CNTNAP2: variants seen among roughly 807,000 people sequenced by gnomAD.
CNTNAP2 encodes the protein contactin-associated protein-like 2.
Under a neutral mutation model 155.2 loss-of-function variants are expected in CNTNAP2, and 98 were observed. The ratio of observed to expected loss-of-function variants is 0.63; its 90% CI spans 0.54 to 0.75. The LOEUF (loss-of-function observed/expected upper bound fraction) is 0.75. Among genes scored for constraint, CNTNAP2 ranks in the 30% least tolerant of loss-of-function variants. The pLI is 0.00. For missense variants in CNTNAP2, 1,727 were observed against 1,688.1 expected (o/e 1.02, Z -0.40); for synonymous variants, 651 against 631.2 (o/e 1.03, Z -0.47).
At chr7:148,103,119 T>A (rs1804137938) in intron 15 of CNTNAP2, among the ~76,000 whole-genome samples, 1 of 152,140 alleles carries the variant, frequency 6.6e-6, no homozygotes, top group Non-Finnish European at 1.5e-5. Flanking sequence ...CAAACAGGTA[T>A]GCGTTTATCT....
rs1327961375 is a variant in CNTNAP2 at position 148,287,984 on chromosome 7, G to A, written c.3475+20858G>A. 5.9e-5 allele frequency among the ~76,000 whole-genome samples: 9 copies of A among 151,462 alleles called. No homozygotes were observed. The East Asian group carries it at 1.7e-3, about 29-fold the overall frequency. The stretch of plus-strand genomic sequence containing the variant: ...TTTTTGTATTTTTACTAGAGATGGG[G>A]TTTCACCATGTTGGCCAGGATGGTC... On this transcript the variant is annotated intron_variant, in intron 21 of 23. Transcript: ENST00000361727.
chr7:146,780,169 G>A (rs566379667), intron 2 of CNTNAP2, among the ~76,000 whole-genome samples: 1 of 149,864 alleles, frequency 6.7e-6, no homozygotes, highest in Non-Finnish European at 1.5e-5. Flanking sequence ...CCACATCCTC[G>A]CCAGCATCTG....
At chr7:146,525,776 A>G (rs1584963784) in intron 1 of CNTNAP2, among the ~76,000 whole-genome samples, 1 of 152,114 alleles carries the variant, frequency 6.6e-6, no homozygotes, top group South Asian at 2.1e-4. Context: ...CAGCTGCGGC[A>G]CTACTGGTTG....
chr7:147,204,099 C>T (rs963989867), intron 8 of CNTNAP2, among the ~76,000 whole-genome samples: 3 of 151,558 alleles, frequency 2.0e-5, no homozygotes, highest in Non-Finnish European at 4.4e-5. Flanking sequence ...TTCAAAAAGA[C>T]TTTTTGAAGA....
At chr7:147,490,738 A>T (rs186905222) in intron 11 of CNTNAP2, among the ~76,000 whole-genome samples, 1 of 152,304 alleles carries the variant, frequency 6.6e-6, no homozygotes, top group African/African-American at 2.4e-5. Context: ...CTGTTCTCAC[A>T]CTGCTATAAA....
At chr7:148,264,541 A>C (rs1796632450) in intron 20 of CNTNAP2, among the ~76,000 whole-genome samples, 1 of 152,246 alleles carries the variant, frequency 6.6e-6, no homozygotes, top group African/African-American at 2.4e-5. Context: ...TTTTATTTAA[A>C]AAGTTGAAAG....
intron 1 of CNTNAP2, among the ~76,000 whole-genome samples, chr7:146,346,084 A>G (rs17503262): frequency 0.13 from 20,459 of 152,236 alleles, 1,771 homozygotes; most frequent in Non-Finnish European, 0.19. Context: ...GACACAGATC[A>G]TAAGAGAGAA....
At chr7:148,309,247 G>T (rs983415896) in intron 21 of CNTNAP2, among the ~76,000 whole-genome samples, 1 of 152,168 alleles carries the variant, frequency 6.6e-6, no homozygotes, top group African/African-American at 2.4e-5. Flanking sequence ...TTTGTTTGTT[G>T]AATGATAAGA....
chr7:147,980,569 C>T (rs7793537), intron 15 of CNTNAP2, among the ~76,000 whole-genome samples: 13,575 of 151,932 alleles, frequency 0.089, 1,003 homozygotes, highest in African/African-American at 0.2. Flanking sequence ...GAATAAGTAT[C>T]CTACCTGGTA....
In CNTNAP2 at chr7:147,116,003, G is replaced by A. The variant is rs139667016; in HGVS notation, c.755-4976G>A. On this transcript the variant is annotated intron_variant, in intron 5 of 23. Transcript: ENST00000361727. Reference sequence around the variant, plus strand: ...TTGGAGATGGAGTTTTGTGGGGTTTGTTGTTGTTGTTGTTTTGTGTTTGTT... The same window carrying A: ...TTGGAGATGGAGTTTTGTGGGGTTTATTGTTGTTGTTGTTTTGTGTTTGTT... 2.5e-3 allele frequency among the ~76,000 whole-genome samples: 378 copies of A among 152,168 alleles called. 2 individuals carry two copies. The highest frequency in any genetic ancestry group is 8.7e-3 in the African/African-American group (360 of 41,532).
At chr7:147,373,859 A>C (rs1584907884) in intron 9 of CNTNAP2, among the ~76,000 whole-genome samples, 1 of 151,992 alleles carries the variant, frequency 6.6e-6, no homozygotes, top group East Asian at 1.9e-4. Context: ...GCACATTTTT[A>C]TGTATAGAAG....
At chr7:148,036,102 A>G (rs1252540456) in intron 15 of CNTNAP2, among the ~76,000 whole-genome samples, 1 of 152,204 alleles carries the variant, frequency 6.6e-6, no homozygotes. Flanking sequence ...GCTCATAGCT[A>G]GAGGGAAATT....
chr7:146,776,367 G>A (rs1802390220), intron 2 of CNTNAP2, among the ~76,000 whole-genome samples: 1 of 152,114 alleles, frequency 6.6e-6, no homozygotes, highest in South Asian at 2.1e-4. Flanking sequence ...GGGCAAGTCA[G>A]GTTCTGTCAT....
At chr7:146,419,296 A>G (rs1290921576) in intron 1 of CNTNAP2, among the ~76,000 whole-genome samples, 1 of 152,092 alleles carries the variant, frequency 6.6e-6, no homozygotes, top group Non-Finnish European at 1.5e-5. Context: ...AACTGCCCTC[A>G]TCATTCAATT....
chr7:148,272,183 A>G (rs1248008126), intron 21 of CNTNAP2, among the ~76,000 whole-genome samples: 2 of 152,226 alleles, frequency 1.3e-5, no homozygotes, highest in African/African-American at 4.8e-5. Flanking sequence ...AAACTTTTAG[A>G]ACGGATTCTT....
chr7:148,087,395 A>G (rs7809670), intron 15 of CNTNAP2, among the ~76,000 whole-genome samples: 35,069 of 152,036 alleles, frequency 0.23, 5,468 homozygotes, highest in African/African-American at 0.43. Context: ...ACCCTATTTC[A>G]TTTACCCTTC....
At chr7:146,899,963 T>C (rs1002699382) in intron 3 of CNTNAP2, among the ~76,000 whole-genome samples, 1 of 152,172 alleles carries the variant, frequency 6.6e-6, no homozygotes, top group African/African-American at 2.4e-5. Flanking sequence ...AGGTGGAAAG[T>C]TAGAAGTAAG....
At chr7:148,331,164 CGGATGGAATGGAT>C (rs1258967600) in intron 21 of CNTNAP2, among the ~76,000 whole-genome samples, 10 of 119,600 alleles carry the variant, frequency 8.4e-5, no homozygotes, top group African/African-American at 1.4e-4. Flanking sequence ...ATGGAATGGA[CGGATGGAATGGAT>C]GGATGGAATG....
chr7:147,011,014 C>G (rs1798613119), intron 3 of CNTNAP2, among the ~76,000 whole-genome samples: 1 of 152,022 alleles, frequency 6.6e-6, no homozygotes, highest in Admixed American at 6.6e-5. Context: ...GAGGAAGCTT[C>G]ACCACCGTGT....
Sources: gnomAD v4.1 joint callset for allele counts (sites outside exome capture counted in the v4.1 genomes callset) on GRCh38, gnomAD v4.1.1 for gene constraint, MANE v1.5 for transcripts, NCBI Gene and HGNC (gene_info 2026-07-23, HGNC 2026-07-21) for gene names.